Variants in NLGN1 observed in about 807,000 individuals in gnomAD.
NLGN1 encodes neuroligin 1.
A neutral mutation model predicts 65.5 loss-of-function variants in NLGN1; 12 were observed. That is an observed-to-expected ratio of 0.18 (90% confidence interval 0.12 to 0.30). The LOEUF (loss-of-function observed/expected upper bound fraction) is 0.30. Ranked by LOEUF, NLGN1 falls within the 10% of genes least tolerant of loss-of-function variation. The pLI is 1.00. For missense variants in NLGN1, 750 were observed against 1,007.1 expected (o/e 0.74, Z 3.46); for synonymous variants, 350 against 359.5 (o/e 0.97, Z 0.30).
intron 2 of NLGN1, among the ~76,000 whole-genome samples, chr3:173,508,463 T>C (rs183998173): frequency 6.6e-6 from 1 of 152,298 alleles, no homozygotes; most frequent in Admixed American, 6.5e-5. Context: ...AGGGAGGCTT[T>C]CCTGTGTAAT....
intron 3 of NLGN1, among the ~76,000 whole-genome samples, chr3:173,691,805 G>A (rs571854325): frequency 3.4e-4 from 51 of 152,040 alleles, no homozygotes; most frequent in Admixed American, 5.9e-4. Flanking sequence ...TGAAACAACG[G>A]CAACAAATAT....
intron 2 of NLGN1, among the ~76,000 whole-genome samples, chr3:173,584,244 GAA>G (rs78174265): frequency 3.7e-5 from 3 of 80,714 alleles, no homozygotes; most frequent in Non-Finnish European, 8.7e-5. Context: ...GGGGCAGAAA[GAA>G]AAAAAAAAAA....
rs397940737 is a variant in NLGN1, at chr3:173,999,967, GT to G, written c.646+192146del. ...ATTAATTTGAAGAAATAACAAACAG[GT>G]TTTTTTTTTTCTGGTATAACTAGAT... On this transcript the variant is annotated intron_variant, in intron 4 of 6. Coordinates refer to ENST00000457714, the Ensembl canonical transcript of NLGN1. Among the ~76,000 whole-genome samples, 898 of 147,438 alleles carry G rather than the reference GT, an allele frequency of 6.1e-3. 5 individuals carry two copies. The highest frequency in any genetic ancestry group is 0.02 in the African/African-American group (800 of 40,536).
intron 2 of NLGN1, among the ~76,000 whole-genome samples, chr3:173,494,772 T>G (rs747081974): frequency 2.0e-5 from 3 of 151,862 alleles, no homozygotes; most frequent in African/African-American, 2.4e-5. Context: ...CACCATTTTT[T>G]AAGAAGACTT....
At chr3:173,785,669 TGA>T (rs779428720) in intron 3 of NLGN1, among the ~76,000 whole-genome samples, 66 of 145,440 alleles carry the variant, frequency 4.5e-4, no homozygotes, top group Non-Finnish European at 8.8e-4. Flanking sequence ...TATGCATAGT[TGA>T]GTTTATATAT....
rs1449872741 is a variant in NLGN1 at position 173,878,189 on chromosome 3, A to C, written c.646+70357A>C. Among the ~76,000 whole-genome samples, 6 of 152,084 alleles carry C rather than the reference A, an allele frequency of 3.9e-5. No homozygotes were observed. The East Asian group carries it at 1.2e-3, about 29-fold the overall frequency. On this transcript the variant is annotated intron_variant, in intron 4 of 6. Transcript: ENST00000457714. ...CCCAAGTAGCTAGGACTACAGGTGC[A>C]TGCCACCACGCCTGGCTAATTTTTG...
intron 2 of NLGN1, among the ~76,000 whole-genome samples, chr3:173,589,731 A>G (rs962160446): frequency 2.0e-5 from 3 of 152,218 alleles, no homozygotes; most frequent in African/African-American, 7.2e-5. Context: ...TCCAATTGAT[A>G]TACTGTTTTT....
intron 4 of NLGN1, among the ~76,000 whole-genome samples, chr3:173,939,274 A>C (rs747425147): frequency 2.0e-5 from 3 of 152,202 alleles, no homozygotes; most frequent in Non-Finnish European, 2.9e-5. Flanking sequence ...CTCAACCATC[A>C]ACATTGATTT....
chr3:173,633,843 C>T (rs1487036331), intron 3 of NLGN1, among the ~76,000 whole-genome samples: 1 of 152,108 alleles, frequency 6.6e-6, no homozygotes, highest in Non-Finnish European at 1.5e-5. Context: ...GAGAATATAT[C>T]GAACTGGATC....
At chr3:174,128,703 A>G (rs1719492550) in intron 4 of NLGN1, among the ~76,000 whole-genome samples, 1 of 152,088 alleles carries the variant, frequency 6.6e-6, no homozygotes, top group African/African-American at 2.4e-5. Flanking sequence ...TAACTTGTCC[A>G]TTTCGGGACA....
chr3:173,835,152 G>C lies in NLGN1; in HGVS notation c.646+27320G>C, dbSNP rs1467245888. ...ACAGACACAATCTCACTTGAAGTTG[G>C]TAGTGATTTTTGCAGTAGACTCTGA... On this transcript the variant is annotated intron_variant, in intron 4 of 6. Transcript: ENST00000457714. 7.2e-5 allele frequency among the ~76,000 whole-genome samples: 11 copies of C among 152,094 alleles called. 1 individual carries two copies. The highest frequency in any genetic ancestry group is 1.6e-4 in the Non-Finnish European group (11 of 68,022).
intron 3 of NLGN1, among the ~76,000 whole-genome samples, chr3:173,658,866 T>A (rs1390503462): frequency 1.3e-5 from 2 of 152,036 alleles, no homozygotes; most frequent in African/African-American, 4.8e-5. Flanking sequence ...CAGCACTACA[T>A]TTGTATGGTT....
chr3:173,936,451 G>T (rs997037185), intron 4 of NLGN1, among the ~76,000 whole-genome samples: 3 of 151,962 alleles, frequency 2.0e-5, no homozygotes, highest in Non-Finnish European at 2.9e-5. Flanking sequence ...GCATTATAAG[G>T]GTAATTTACA....
intron 2 of NLGN1, among the ~76,000 whole-genome samples, chr3:173,440,381 T>C (rs1010372477): frequency 2.0e-5 from 3 of 152,208 alleles, no homozygotes; most frequent in African/African-American, 7.2e-5. Context: ...CAGTGGCACC[T>C]AGGATGGTAA....
chr3:173,499,805 CTCTT>C (rs1208585387), intron 2 of NLGN1, among the ~76,000 whole-genome samples: 1 of 151,792 alleles, frequency 6.6e-6, no homozygotes, highest in African/African-American at 2.4e-5. Context: ...GTATTTTATT[CTCTT>C]TGAAGCAATT....
intron 4 of NLGN1, among the ~76,000 whole-genome samples, chr3:174,059,686 T>C (rs1395498914): frequency 6.6e-6 from 1 of 152,160 alleles, no homozygotes; most frequent in African/African-American, 2.4e-5. Context: ...TTATGGAGAA[T>C]CCATTATGTG....
chr3:174,025,564 G>A (rs1032769207), intron 4 of NLGN1, among the ~76,000 whole-genome samples: 2 of 152,128 alleles, frequency 1.3e-5, no homozygotes, highest in African/African-American at 2.4e-5. Context: ...TGAAATTAAG[G>A]ATGCAGAAAG....
chr3:174,205,555 G>GT (rs1277381452), intron 4 of NLGN1, among the ~76,000 whole-genome samples: 1 of 152,098 alleles, frequency 6.6e-6, no homozygotes, highest in African/African-American at 2.4e-5. Context: ...TGCTGTCATA[G>GT]TATCTGTATA....
chr3:174,185,325 C>T (rs1478866425), intron 4 of NLGN1, among the ~76,000 whole-genome samples: 1 of 152,112 alleles, frequency 6.6e-6, no homozygotes, highest in Non-Finnish European at 1.5e-5. Flanking sequence ...CAGTGACCAA[C>T]AGAACTTTCT....
Sources: allele counts gnomAD v4.1 joint callset (sites outside exome capture counted in the v4.1 genomes callset), GRCh38; gene constraint gnomAD v4.1.1; transcripts MANE v1.5; gene names NCBI Gene and HGNC (gene_info 2026-07-23, HGNC 2026-07-21).